METTL24: variants seen among roughly 807,000 people sequenced by gnomAD.
METTL24 encodes methyltransferase like 24.
Under a neutral mutation model 32.7 loss-of-function variants are expected in METTL24, and 29 were observed. The ratio of observed to expected loss-of-function variants is 0.89; its 90% CI spans 0.66 to 1.21. The LOEUF (loss-of-function observed/expected upper bound fraction) is 1.21, where lower values mean the gene tolerates loss of function less well. Among genes scored for constraint, METTL24 ranks in the 50% most tolerant of loss-of-function variants. The probability of loss-of-function intolerance (pLI) is 0.00; values close to 1 mark genes in which losing one functional copy is unlikely to be tolerated. For missense variants in METTL24, 439 were observed against 468.1 expected (o/e 0.94, Z 0.57); for synonymous variants, 163 against 179.5 (o/e 0.91, Z 0.73).
At chr6:110,279,162 G>C (rs1456747568) in intron 4 of METTL24, among the ~76,000 whole-genome samples, 1 of 152,218 alleles carries the variant, frequency 6.6e-6, no homozygotes, top group East Asian at 1.9e-4. Flanking sequence ...TTTATTTACT[G>C]TGCATTTCAC....
chr6:110,257,784 T>A (rs1778411967), intron 4 of METTL24, among the ~76,000 whole-genome samples: 1 of 152,180 alleles, frequency 6.6e-6, no homozygotes, highest in South Asian at 2.1e-4. Flanking sequence ...ATGCAGAAAA[T>A]ATCCACATGC....
At chr6:110,275,786 CAT>C (rs1384258902) in intron 4 of METTL24, among the ~76,000 whole-genome samples, 1 of 152,154 alleles carries the variant, frequency 6.6e-6, no homozygotes, top group Non-Finnish European at 1.5e-5. Context: ...TTACCTATGG[CAT>C]AGAGTATGAA....
At chr6:110,311,186 G>A (rs1256488300) in intron 3 of METTL24, among the ~76,000 whole-genome samples, 1 of 152,126 alleles carries the variant, frequency 6.6e-6, no homozygotes, top group Non-Finnish European at 1.5e-5. Context: ...TTGAGGTGTT[G>A]TCAGCCAGCT....
intron 4 of METTL24, among the ~76,000 whole-genome samples, chr6:110,266,477 T>C (rs1326991443): frequency 6.6e-6 from 1 of 152,186 alleles, no homozygotes; most frequent in Non-Finnish European, 1.5e-5. Context: ...AGCAATTTTC[T>C]AATTCTGGGA....
chr6:110,274,761 C>T (rs1466399509), intron 4 of METTL24, among the ~76,000 whole-genome samples: 3 of 139,586 alleles, frequency 2.1e-5, no homozygotes, highest in African/African-American at 7.7e-5. Context: ...CCACATTTTA[C>T]ATTTTGGTAG....
At chr6:110,323,130 G>A (rs569300934) in intron 1 of METTL24, among the ~76,000 whole-genome samples, 2 of 152,316 alleles carry the variant, frequency 1.3e-5, no homozygotes, top group African/African-American at 4.8e-5. Flanking sequence ...AGGACTGTCT[G>A]ACTCTGCATG....
intron 1 of METTL24, among the ~76,000 whole-genome samples, chr6:110,339,821 C>T (rs867628196): frequency 1.4e-4 from 21 of 152,058 alleles, no homozygotes; most frequent in Admixed American, 9.8e-4. Context: ...GTCAATTAAA[C>T]GATTGTAGAG....
intron 3 of METTL24, among the ~76,000 whole-genome samples, chr6:110,301,863 T>C (rs1771521655): frequency 6.6e-6 from 1 of 152,164 alleles, no homozygotes; most frequent in Admixed American, 6.5e-5. Flanking sequence ...GATCAGAATA[T>C]TGTAGAACTC....
In METTL24 at chr6:110,298,937, T is replaced by A; in HGVS notation, c.771A>T (p.Glu257Asp). ...NTRKLGSILN[E>D]FGHHKIDVLK... is the part of the protein sequence containing the mutation. ...AAAACCTCACCTTGTGATGTCCAAA[T>A]TCATTCAAAATGCTTCCCAGTTTTC... Residue 257 changes from glutamate to aspartate, a missense_variant, in exon 4 of 5, where the codon GAA (glutamate) becomes GAT (aspartate). Transcript: ENST00000338882. 3 of 1,614,104 alleles carry A rather than the reference T, an allele frequency of 1.9e-6. No homozygotes were observed. The highest frequency in any genetic ancestry group is 1.7e-4 in the Middle Eastern group (1 of 6,054).
chr6:110,333,734 G>A (rs957360346), intron 1 of METTL24, among the ~76,000 whole-genome samples: 3 of 152,112 alleles, frequency 2.0e-5, no homozygotes, highest in African/African-American at 7.2e-5. Flanking sequence ...AAGCCACCAC[G>A]CCCAGCCTTG....
At chr6:110,260,463 T>C (rs1315476163) in intron 4 of METTL24, among the ~76,000 whole-genome samples, 5 of 152,200 alleles carry the variant, frequency 3.3e-5, no homozygotes, top group Admixed American at 3.3e-4. Context: ...TATGGGACTA[T>C]GTGAAAAGAT....
intron 3 of METTL24, among the ~76,000 whole-genome samples, chr6:110,314,826 G>A (rs932173132): frequency 6.6e-5 from 10 of 152,150 alleles, no homozygotes; most frequent in African/African-American, 2.2e-4. Context: ...AGCCGGGTGT[G>A]GTGGGTGCAT....
chr6:110,254,634 GAAATA>G (rs1206522045), intron 4 of METTL24, among the ~76,000 whole-genome samples: 1 of 151,954 alleles, frequency 6.6e-6, no homozygotes. Context: ...TATCTCAAAA[GAAATA>G]AAATAAATAC....
chr6:110,346,450 G>A (rs1772474996), intron 1 of METTL24, among the ~76,000 whole-genome samples: 2 of 151,856 alleles, frequency 1.3e-5, no homozygotes, highest in Non-Finnish European at 2.9e-5. Context: ...GCTACTTCAG[G>A]TGATACAGTG....
intron 3 of METTL24, among the ~76,000 whole-genome samples, chr6:110,304,071 G>C (rs1211021028): frequency 6.6e-6 from 1 of 152,198 alleles, no homozygotes; most frequent in Admixed American, 6.5e-5. Flanking sequence ...CTGCAGAAGA[G>C]GGGCCTGACT....
chr6:110,282,078 C>T (rs1386931842), intron 4 of METTL24, among the ~76,000 whole-genome samples: 1 of 152,102 alleles, frequency 6.6e-6, no homozygotes, highest in Non-Finnish European at 1.5e-5. Flanking sequence ...CTGTTTGAAA[C>T]ACACACCAGT....
intron 4 of METTL24, among the ~76,000 whole-genome samples, chr6:110,287,462 C>T (rs879468448): frequency 6.6e-6 from 1 of 152,120 alleles, no homozygotes; most frequent in Non-Finnish European, 1.5e-5. Flanking sequence ...AAATTGCCTT[C>T]AAATACACAG....
chr6:110,348,545 G>C (rs1280197213), intron 1 of METTL24, among the ~76,000 whole-genome samples: 1 of 152,220 alleles, frequency 6.6e-6, no homozygotes, highest in Non-Finnish European at 1.5e-5. Flanking sequence ...TTAAGTGATC[G>C]TGCTCTAGTC....
At position 110,358,215 on chromosome 6, in the gene METTL24, C is replaced by G. The variant is rs1469221312; in HGVS notation, c.58G>C (p.Gly20Arg). Residue 20 changes from glycine (G) to arginine (R), a missense_variant, in exon 1 of 5, where the codon GGG becomes CGG. Coordinates refer to ENST00000338882, the MANE Select transcript of METTL24 (RefSeq NM_001123364.3). ...GCGVLRRCLL[G>R]AVLLFGLRLC... The stretch of plus-strand genomic sequence containing the variant: ...CGCAGGCCGAACAACAGCACAGCCC[C>G]GAGTAGACACCGGCGCAGGACGCCG... 2.7e-6 allele frequency: 4 copies of G among 1,483,494 alleles called. No individual in the cohort carries two copies. The highest frequency in any genetic ancestry group is 2.2e-5 in the Admixed American group (1 of 45,148). 91.9% of individuals were successfully genotyped at this position (1,483,494 alleles called of 1,614,324 possible). A position where few individuals can be genotyped will look rare whatever the true frequency, so the allele number is the denominator to read the frequency against.
Sources: gnomAD v4.1 joint callset for allele counts (sites outside exome capture counted in the v4.1 genomes callset) on GRCh38, gnomAD v4.1.1 for gene constraint, MANE v1.5 for transcripts, NCBI Gene and HGNC (gene_info 2026-07-23, HGNC 2026-07-21) for gene names.